CCNY: variants seen among roughly 807,000 people sequenced by gnomAD.
CCNY encodes the protein cyclin Y.
CCNY carries 19 observed loss-of-function variants against 42.8 expected under a neutral mutation model. The ratio of observed to expected loss-of-function variants is 0.44; its 90% CI spans 0.31 to 0.65. The LOEUF is 0.65. CCNY is among the 30% of genes least tolerant of loss of function. The pLI, the probability that CCNY is intolerant of heterozygous loss-of-function variation, is 0.07. For synonymous variants in CCNY, 165 were observed against 162.7 expected, an observed-to-expected ratio of 1.01 and a Z score of -0.11; for missense variants, 370 against 437.3, an observed-to-expected ratio of 0.85 and a Z score of 1.37.
chr10:35,411,051 T>A (rs1305944366), intron 1 of CCNY, among the ~76,000 whole-genome samples: 1 of 152,206 alleles, frequency 6.6e-6, no homozygotes, highest in Admixed American at 6.5e-5. Context: ...CTCGGACAGT[T>A]GTCTTTAGTA....
intron 1 of CCNY, among the ~76,000 whole-genome samples, chr10:35,469,029 A>C (rs1839329352): frequency 6.6e-6 from 1 of 152,224 alleles, no homozygotes; most frequent in Admixed American, 6.5e-5. Context: ...AGGAACGTTA[A>C]AATAATAGTG....
At chr10:35,485,589 G>A (rs1399239450) in intron 2 of CCNY, among the ~76,000 whole-genome samples, 1 of 152,074 alleles carries the variant, frequency 6.6e-6, no homozygotes. Flanking sequence ...GCTGGGTGTG[G>A]TGGCGGGCAC....
chr10:35,465,938 A>AGAGAGAGAGAGAGAGAGG, intron 1 of CCNY, among the ~76,000 whole-genome samples: 1 of 80,960 alleles, frequency 1.2e-5, no homozygotes, highest in Non-Finnish European at 2.6e-5. Context: ...AGAGAGAGAG[A>AGAGAGAGAGAGAGAGAGG]GTGTGTGTGT....
intron 2 of CCNY, among the ~76,000 whole-genome samples, chr10:35,499,106 C>A (rs1394412683): frequency 1.3e-5 from 2 of 151,916 alleles, no homozygotes; most frequent in African/African-American, 2.4e-5. Context: ...TTATAATATT[C>A]TTCTGTGTCT....
chr10:35,531,316 G>A (rs140915078), intron 7 of CCNY, among the ~76,000 whole-genome samples: 379 of 152,332 alleles, frequency 2.5e-3, no homozygotes, highest in African/African-American at 8.1e-3. Context: ...AGGACTCTTT[G>A]TGTCTCCGCC....
intron 1 of CCNY, among the ~76,000 whole-genome samples, chr10:35,395,864 C>T (rs890958389): frequency 2.6e-5 from 4 of 152,158 alleles, no homozygotes; most frequent in African/African-American, 9.7e-5. Flanking sequence ...GGCTGGGCCT[C>T]TCCAGTGGCT....
intron 1 of CCNY, among the ~76,000 whole-genome samples, chr10:35,371,418 C>T (rs1836934584): frequency 6.6e-6 from 1 of 152,182 alleles, no homozygotes; most frequent in Non-Finnish European, 1.5e-5. Context: ...GTCCATCTTT[C>T]ACAATCCTTC....
chr10:35,486,466 C>T (rs1279064373), intron 2 of CCNY, among the ~76,000 whole-genome samples: 3 of 152,170 alleles, frequency 2.0e-5, no homozygotes, highest in African/African-American at 7.2e-5. Flanking sequence ...CACCTTAGTT[C>T]AGACTCACAG....
In CCNY at chr10:35,465,602, C is replaced by T. The variant is rs114325566; in HGVS notation, c.155-17802C>T. Among the ~76,000 whole-genome samples the T allele has an allele frequency of 7.0e-3, 1,071 of 152,262 alleles. 11 individuals are homozygous for T. The highest frequency in any genetic ancestry group is 0.025 in the African/African-American group (1,021 of 41,544). ...AGGTGGCCTGAATCCACCTTGCATG[C>T]TTTCCTTACCCACAGCTTTTCTTCT... On this transcript the variant is annotated intron_variant, in intron 1 of 9. Coordinates refer to ENST00000374704, the MANE Select transcript of CCNY (RefSeq NM_145012.6).
intron 1 of CCNY, among the ~76,000 whole-genome samples, chr10:35,386,082 A>G (rs1345154529): frequency 2.0e-5 from 3 of 152,208 alleles, no homozygotes; most frequent in Non-Finnish European, 4.4e-5. Flanking sequence ...ACCTCTGGAT[A>G]TGTAATTCTG....
intron 3 of CCNY, among the ~76,000 whole-genome samples, chr10:35,328,722 A>AC (rs1554776858): frequency 6.6e-6 from 1 of 152,000 alleles, no homozygotes; most frequent in East Asian, 1.9e-4. Flanking sequence ...AAGAGCTGTC[A>AC]GGCCAGGTTT....
At chr10:35,286,559 A>G (rs1483188391) in intron 3 of CCNY, among the ~76,000 whole-genome samples, 1 of 149,726 alleles carries the variant, frequency 6.7e-6, no homozygotes, top group Non-Finnish European at 1.5e-5. Flanking sequence ...GGGTTTCGCC[A>G]TGTTGGCCAT....
At chr10:35,288,307 A>T (rs1186639749) in intron 3 of CCNY, among the ~76,000 whole-genome samples, 2 of 152,090 alleles carry the variant, frequency 1.3e-5, no homozygotes, top group Admixed American at 1.3e-4. Flanking sequence ...TCTTTTCTGT[A>T]ATGGCCAATG....
At chr10:35,270,941 G>A (rs1835158030) in intron 3 of CCNY, among the ~76,000 whole-genome samples, 1 of 151,888 alleles carries the variant, frequency 6.6e-6, no homozygotes, top group Non-Finnish European at 1.5e-5. Context: ...TAGCCGGGAT[G>A]GTCTCGATCT....
At chr10:35,298,507 T>C (rs1835497132) in intron 3 of CCNY, among the ~76,000 whole-genome samples, 1 of 152,174 alleles carries the variant, frequency 6.6e-6, no homozygotes, top group Non-Finnish European at 1.5e-5. Context: ...TTGAGTATTA[T>C]TCCATTCTTT....
intron 3 of CCNY, among the ~76,000 whole-genome samples, chr10:35,311,551 C>A (rs2135085825): frequency 6.6e-6 from 1 of 152,098 alleles, no homozygotes; most frequent in African/African-American, 2.4e-5. Flanking sequence ...GTGGCATGTG[C>A]CTTTAGTCCC....
At chr10:35,271,367 C>A (rs1009840130) in intron 3 of CCNY, among the ~76,000 whole-genome samples, 1 of 152,088 alleles carries the variant, frequency 6.6e-6, no homozygotes, top group Non-Finnish European at 1.5e-5. Flanking sequence ...TCAGGGGGAG[C>A]CATTCAGAAA....
intron 2 of CCNY, among the ~76,000 whole-genome samples, chr10:35,500,101 G>A (rs1375597340): frequency 2.0e-5 from 3 of 152,224 alleles, no homozygotes; most frequent in Non-Finnish European, 4.4e-5. Flanking sequence ...TGTTGCTGCT[G>A]TCTGTGCACT....
At chr10:35,512,900 C>T (rs1408027785) in intron 3 of CCNY, among the ~76,000 whole-genome samples, 1 of 151,994 alleles carries the variant, frequency 6.6e-6, no homozygotes, top group African/African-American at 2.4e-5. Context: ...GAAGTCTTAT[C>T]CCTGCTTCCT....
Sources: allele counts gnomAD v4.1 joint callset (sites outside exome capture counted in the v4.1 genomes callset), GRCh38; gene constraint gnomAD v4.1.1; transcripts MANE v1.5; gene names NCBI Gene and HGNC (gene_info 2026-07-23, HGNC 2026-07-21).